Variants in ERC2 observed in about 807,000 individuals in gnomAD.
ERC2 encodes the protein ERC protein 2.
In ERC2, 42 loss-of-function variants were observed where a neutral mutation model predicts 114.8. The observed-to-expected ratio is 0.37, with a 90% CI of 0.29 to 0.47. ERC2 has a LOEUF of 0.47. Ranked by LOEUF, ERC2 falls within the 20% of genes least tolerant of loss-of-function variation. ERC2 has a pLI of 0.99. For synonymous variants in ERC2, 454 were observed against 425.5 expected (o/e 1.07, Z -0.82); for missense variants, 939 against 1,150.7 (o/e 0.82, Z 2.66).
At chr3:55,643,084 G>T (rs917531109) in intron 17 of ERC2, among the ~76,000 whole-genome samples, 5 of 152,216 alleles carry the variant, frequency 3.3e-5, no homozygotes, top group African/African-American at 1.2e-4. Context: ...GCAGGACCCA[G>T]CTGTGGATGG....
At chr3:56,180,584 A>C (rs535393180) in intron 3 of ERC2, among the ~76,000 whole-genome samples, 1 of 152,206 alleles carries the variant, frequency 6.6e-6, no homozygotes, top group Non-Finnish European at 1.5e-5. Flanking sequence ...GATCTCACTT[A>C]TGATAGGTAT....
intron 2 of ERC2, among the ~76,000 whole-genome samples, chr3:56,382,966 T>C (rs532985166): frequency 6.6e-6 from 1 of 152,282 alleles, no homozygotes; most frequent in Non-Finnish European, 1.5e-5. Context: ...CATCAGTAAA[T>C]GACAACTGCA....
intron 4 of ERC2, among the ~76,000 whole-genome samples, chr3:56,167,438 G>A (rs1447315013): frequency 3.3e-5 from 5 of 152,086 alleles, no homozygotes; most frequent in African/African-American, 1.2e-4. Context: ...TATATCATAA[G>A]AAGAGTTTGG....
In ERC2 at chr3:55,532,603, C is replaced by T. The variant is rs576193589; in HGVS notation, c.*40-21327G>A. 4.6e-4 allele frequency among the ~76,000 whole-genome samples: 70 copies of T among 152,284 alleles called. 1 individual carries two copies. The highest frequency in any genetic ancestry group is 3.7e-3 in the East Asian group (19 of 5,184). ...TCCCCAAGTCCCTTTTCAATACATACTCTTTTTATTCTCATTTAGAGATGA... is the reference window on the plus strand; with the variant it reads ...TCCCCAAGTCCCTTTTCAATACATATTCTTTTTATTCTCATTTAGAGATGA... On this transcript the variant is annotated intron_variant, in intron 17 of 17. Coordinates refer to ENST00000288221, the MANE Select transcript of ERC2 (RefSeq NM_015576.3).
At position 55,925,322 on chromosome 3, in the gene ERC2, G is replaced by T. The variant is rs921058120; in HGVS notation, c.2403+25103C>A. Among the ~76,000 whole-genome samples the T allele has an allele frequency of 1.2e-4, 19 of 152,284 alleles. No individual in the cohort carries two copies. In the South Asian group the frequency reaches 3.5e-3, roughly 28 times the overall value. ...CGGCAGTTATGAGAAAGTATAGAGAGTAACTCAAAACAGAATCAGGGCTTG... is the reference window on the plus strand; with the variant it reads ...CGGCAGTTATGAGAAAGTATAGAGATTAACTCAAAACAGAATCAGGGCTTG... On this transcript the variant is annotated intron_variant, in intron 13 of 17. Transcript: ENST00000288221.
chr3:56,360,612 T>A (rs1052426684), intron 2 of ERC2, among the ~76,000 whole-genome samples: 1 of 151,978 alleles, frequency 6.6e-6, no homozygotes, highest in Non-Finnish European at 1.5e-5. Flanking sequence ...GATGAGTAAG[T>A]TTACCAACCA....
chr3:55,993,504 G>GA (rs540751140), intron 10 of ERC2, among the ~76,000 whole-genome samples: 4 of 151,210 alleles, frequency 2.6e-5, no homozygotes, highest in African/African-American at 9.7e-5. Flanking sequence ...TGATTTAATA[G>GA]AAAAAAAATT....
chr3:55,512,100 C>T (rs1270858458), intron 17 of ERC2, among the ~76,000 whole-genome samples: 1 of 152,186 alleles, frequency 6.6e-6, no homozygotes, highest in African/African-American at 2.4e-5. Context: ...CGTGTACACA[C>T]AAGTCACCTT....
intron 4 of ERC2, among the ~76,000 whole-genome samples, chr3:56,172,581 C>G (rs2082734071): frequency 6.6e-6 from 1 of 152,208 alleles, no homozygotes; most frequent in African/African-American, 2.4e-5. Flanking sequence ...AGCAAACTCC[C>G]TGAGTTTTAC....
At chr3:56,172,453 C>T (rs916159840) in intron 4 of ERC2, among the ~76,000 whole-genome samples, 2 of 152,086 alleles carry the variant, frequency 1.3e-5, no homozygotes, top group African/African-American at 4.8e-5. Flanking sequence ...GTTTCTTTTC[C>T]CTCAAAATTT....
At chr3:56,172,461 T>A in intron 4 of ERC2, among the ~76,000 whole-genome samples, 1 of 152,194 alleles carries the variant, frequency 6.6e-6, no homozygotes, top group East Asian at 1.9e-4. Flanking sequence ...TCCCTCAAAA[T>A]TTGGGAATTT....
intron 13 of ERC2, among the ~76,000 whole-genome samples, chr3:55,939,206 T>C (rs930113995): frequency 2.0e-5 from 3 of 152,228 alleles, no homozygotes; most frequent in Non-Finnish European, 4.4e-5. Context: ...TCCAGGTGAA[T>C]TTTGATTCAG....
At chr3:55,736,936 AC>A (rs2065670931) in intron 14 of ERC2, among the ~76,000 whole-genome samples, 1 of 152,196 alleles carries the variant, frequency 6.6e-6, no homozygotes, top group East Asian at 1.9e-4. Context: ...CTTCCTTTCC[AC>A]TGGGAAAGTC....
intron 14 of ERC2, among the ~76,000 whole-genome samples, chr3:55,861,721 G>C (rs376374420): frequency 2.0e-5 from 3 of 152,174 alleles, no homozygotes; most frequent in African/African-American, 7.2e-5. Context: ...GGAGAGCTTA[G>C]AGGTTATAAA....
chr3:55,637,319 T>C (rs1451180573), intron 17 of ERC2, among the ~76,000 whole-genome samples: 1 of 152,104 alleles, frequency 6.6e-6, no homozygotes, highest in African/African-American at 2.4e-5. Flanking sequence ...AAACACACTG[T>C]GGAATATGGA....
chr3:55,876,006 G>C (rs574376210), intron 14 of ERC2, among the ~76,000 whole-genome samples: 1 of 152,048 alleles, frequency 6.6e-6, no homozygotes, highest in South Asian at 2.1e-4. Flanking sequence ...GTAAGAAAGG[G>C]GGAAAGAAAA....
At chr3:56,423,440 C>A (rs1374657556) in intron 2 of ERC2, among the ~76,000 whole-genome samples, 1 of 152,232 alleles carries the variant, frequency 6.6e-6, no homozygotes, top group East Asian at 1.9e-4. Context: ...TACCATCCCC[C>A]AAGTTGTAAC....
At chr3:56,311,303 A>G (rs2056562627) in intron 2 of ERC2, among the ~76,000 whole-genome samples, 1 of 139,232 alleles carries the variant, frequency 7.2e-6, no homozygotes, top group Non-Finnish European at 1.5e-5. Context: ...ACACATATAT[A>G]TAATTTTTTT....
intron 17 of ERC2, among the ~76,000 whole-genome samples, chr3:55,571,836 G>A (rs1013212941): frequency 6.6e-6 from 1 of 152,204 alleles, no homozygotes; most frequent in African/African-American, 2.4e-5. Context: ...GCACACAGTA[G>A]GTGCTCAATT....
Sources: allele counts gnomAD v4.1 joint callset (sites outside exome capture counted in the v4.1 genomes callset), GRCh38; gene constraint gnomAD v4.1.1; transcripts MANE v1.5; gene names NCBI Gene and HGNC (gene_info 2026-07-23, HGNC 2026-07-21).